The following NCOR1 variants were observed in gnomAD, a reference collection of about 807,000 sequenced individuals.
NCOR1 encodes the protein protein phosphatase 1, regulatory subunit 109.
In NCOR1, 63 loss-of-function variants were observed where a neutral mutation model predicts 288.1. The observed-to-expected ratio is 0.22, with a 90% CI of 0.18 to 0.27. The LOEUF is 0.27. Among genes scored for constraint, NCOR1 ranks in the 10% least tolerant of loss-of-function variants. NCOR1 has a pLI of 1.00. For missense variants in NCOR1, 2,397 were observed against 3,019.2 expected, an observed-to-expected ratio of 0.79 and a Z score of 4.83; for synonymous variants, 1,007 against 1,065.9, an observed-to-expected ratio of 0.94 and a Z score of 1.08.
chr17:16,107,162 T>G (rs1445947198), intron 19 of NCOR1, among the ~76,000 whole-genome samples: 1 of 152,018 alleles, frequency 6.6e-6, no homozygotes, highest in Non-Finnish European at 1.5e-5. Flanking sequence ...CCCCAAGTGT[T>G]GGGGTTACAG....
chr17:16,215,455 G>A lies in NCOR1; in HGVS notation c.-164C>T, dbSNP rs2092470517. Reference sequence around the variant, plus strand: ...CGGCCCTACACCGGGACCTCGTTCGGCGCGGCGAGTCGGACGCTCACTCCA... The same window carrying A: ...CGGCCCTACACCGGGACCTCGTTCGACGCGGCGAGTCGGACGCTCACTCCA... On this transcript the variant is annotated 5_prime_UTR_variant, in exon 1 of 46. Transcript: ENST00000268712. 5.0e-6 allele frequency: 2 copies of A among 397,698 alleles called. No homozygotes were observed. Among genetic ancestry groups the A allele is most frequent in the African/African-American group, 4.1e-5 (2 of 48,570 alleles). 24.6% of individuals were successfully genotyped at this position (397,698 alleles called of 1,614,324 possible).
At chr17:16,042,268 G>A (rs563867049) in intron 42 of NCOR1, among the ~76,000 whole-genome samples, 5 of 151,870 alleles carry the variant, frequency 3.3e-5, no homozygotes, top group Non-Finnish European at 5.9e-5. Context: ...AAACAGCAGA[G>A]CCCTGTTATC....
chr17:16,055,463 G>C (rs991263374), intron 40 of NCOR1, among the ~76,000 whole-genome samples: 2 of 152,180 alleles, frequency 1.3e-5, no homozygotes, highest in African/African-American at 4.8e-5. Context: ...TTATAAGCGG[G>C]AGCTAAATGG....
intron 3 of NCOR1, among the ~76,000 whole-genome samples, chr17:16,175,797 T>C (rs536790734): frequency 6.7e-6 from 1 of 149,736 alleles, no homozygotes; most frequent in Non-Finnish European, 1.5e-5. Context: ...GGCAGGAGGA[T>C]CACTTGAACC....
At chr17:16,152,170 T>G (rs1204096595) in intron 7 of NCOR1, among the ~76,000 whole-genome samples, 172 bp from the exon 8 acceptor site, 1 of 152,220 alleles carries the variant, frequency 6.6e-6, no homozygotes, top group Non-Finnish European at 1.5e-5. Flanking sequence ...TTTTTTAAAT[T>G]ATACTTTAAG....
chr17:16,048,721 C>A (rs2058961320), intron 41 of NCOR1, 124 bp downstream of exon 41: 1 of 1,018,762 alleles, frequency 9.8e-7, no homozygotes, highest in Non-Finnish European at 1.3e-6. Context: ...ACAAATGATC[C>A]TCTAAGAATG....
chr17:16,092,346 G>T (rs1273816607), intron 21 of NCOR1, among the ~76,000 whole-genome samples: 1 of 151,816 alleles, frequency 6.6e-6, no homozygotes, highest in East Asian at 2.0e-4. Flanking sequence ...ATTTAGCTGG[G>T]TGCAGTGAGG....
At chr17:16,073,933 A>T (rs2062061190) in intron 27 of NCOR1, among the ~76,000 whole-genome samples, 1 of 152,246 alleles carries the variant, frequency 6.6e-6, no homozygotes, top group Non-Finnish European at 1.5e-5. Flanking sequence ...AGGTTCAGAT[A>T]AGCCTGCTCA....
At chr17:16,063,236 A>T (rs2060730008) in intron 35 of NCOR1, among the ~76,000 whole-genome samples, 1 of 152,138 alleles carries the variant, frequency 6.6e-6, no homozygotes, top group African/African-American at 2.4e-5. Flanking sequence ...GATGGAGTGC[A>T]GTGACACTCC....
intron 16 of NCOR1, among the ~76,000 whole-genome samples, 153 bp from the exon 17 acceptor site, chr17:16,119,638 C>A (rs2072563370): frequency 6.6e-6 from 1 of 152,182 alleles, no homozygotes; most frequent in Non-Finnish European, 1.5e-5. Context: ...GTAACCTCTC[C>A]TCCACCAAAC....
In NCOR1 at chr17:16,127,741, G is replaced by T. The variant is rs954574810; in HGVS notation, c.1510-1535C>A. On this transcript the variant is annotated intron_variant, in intron 14 of 45. Transcript: ENST00000268712. ...TATATACATATATGTGTATATATGT[G>T]TGGAGATATATATATATATCTCTCA... is the stretch of plus-strand genomic sequence containing the variant. Among the ~76,000 whole-genome samples, 2 of 107,496 alleles carry T rather than the reference G, an allele frequency of 1.9e-5. 1 individual carries two copies. Among genetic ancestry groups the T allele is most frequent in the Admixed American group, 1.9e-4 (2 of 10,736 alleles). 70.5% of individuals were successfully genotyped at this position (107,496 alleles called of 152,430 possible).
intron 27 of NCOR1, among the ~76,000 whole-genome samples, chr17:16,074,614 A>C (rs1388820039): frequency 6.6e-6 from 1 of 152,206 alleles, no homozygotes; most frequent in African/African-American, 2.4e-5. Context: ...CACATACTTT[A>C]TTTCTTTGTA....
At chr17:16,123,038 G>C (rs1242627662) in intron 15 of NCOR1, among the ~76,000 whole-genome samples, 1 of 151,938 alleles carries the variant, frequency 6.6e-6, no homozygotes, top group African/African-American at 2.4e-5. Flanking sequence ...CTCTATCTTT[G>C]GACTCACACC....
chr17:16,032,956 A>G (rs8076864), intron 45 of NCOR1, among the ~76,000 whole-genome samples: 65,246 of 152,088 alleles, frequency 0.43, 15,670 homozygotes, highest in Middle Eastern at 0.57. Flanking sequence ...TTTAAAGTCT[A>G]CAAGATTGAG....
Position 16,031,649 on chromosome 17 carries a change from ATTTGTTACTTTTACCT to A in NCOR1, c.*631_*646del, listed in dbSNP as rs1401974784. 4.4e-5 allele frequency: 10 copies of A among 227,046 alleles called. No individual in the cohort carries two copies. The highest frequency in any genetic ancestry group is 6.1e-5 in the Non-Finnish European group (7 of 114,276). The allele number at this position is 227,046 out of a possible 1,614,324, so 14.1% of individuals were successfully genotyped here. A position where few individuals can be genotyped will look rare whatever the true frequency, so the allele number is the denominator to read the frequency against. ...CACTGGAAATTTACAATATGGCAGA[ATTTGTTACTTTTACCT>A]TTTGACCCTAATGTACAGATTTTAT... is the stretch of plus-strand genomic sequence containing the variant. On this transcript the variant is annotated 3_prime_UTR_variant, in exon 46 of 46. Coordinates refer to ENST00000268712, the MANE Select transcript of NCOR1 (RefSeq NM_006311.4).
intron 31 of NCOR1, chr17:16,068,556 T>C (rs181668795): frequency 2.7e-4 from 50 of 184,220 alleles, no homozygotes; most frequent in Middle Eastern, 5.2e-3. Flanking sequence ...TCACTAATTT[T>C]TTCCTTGCTC....
intron 16 of NCOR1, among the ~76,000 whole-genome samples, chr17:16,120,267 T>C (rs985496521): frequency 5.9e-5 from 9 of 152,118 alleles, no homozygotes; most frequent in Non-Finnish European, 1.3e-4. Flanking sequence ...ACCTCCACAA[T>C]TGCTATCAGT....
At chr17:16,200,115 G>A (rs1324466909) in intron 1 of NCOR1, among the ~76,000 whole-genome samples, 1 of 151,940 alleles carries the variant, frequency 6.6e-6, no homozygotes, top group Non-Finnish European at 1.5e-5. Flanking sequence ...AGGAACTCCT[G>A]GCTTTTGGCC....
intron 21 of NCOR1, among the ~76,000 whole-genome samples, chr17:16,097,848 TG>T (rs966123409): frequency 3.3e-5 from 5 of 152,112 alleles, no homozygotes; most frequent in African/African-American, 9.7e-5. Flanking sequence ...GCATCAGAAA[TG>T]GGGGTAGCCT....
Sources: gnomAD v4.1 joint callset for allele counts (sites outside exome capture counted in the v4.1 genomes callset) on GRCh38, gnomAD v4.1.1 for gene constraint, MANE v1.5 for transcripts, NCBI Gene and HGNC (gene_info 2026-07-23, HGNC 2026-07-21) for gene names.